The following CSMD3 variants were observed in gnomAD, a reference collection of about 807,000 sequenced individuals.
CSMD3 encodes CUB and sushi domain-containing protein 3.
CSMD3 carries 177 observed loss-of-function variants against 435.2 expected under a neutral mutation model. The observed-to-expected ratio is 0.41, with a 90% CI of 0.36 to 0.46. The LOEUF (loss-of-function observed/expected upper bound fraction) is 0.46, where lower values mean the gene tolerates loss of function less well. Ranked by LOEUF, CSMD3 falls within the 20% of genes least tolerant of loss-of-function variation. The pLI, the probability that CSMD3 is intolerant of heterozygous loss-of-function variation, is 0.34. For synonymous variants in CSMD3, 1,656 were observed against 1,520.5 expected (o/e 1.09, Z -2.07); for missense variants, 4,265 against 4,504.6 (o/e 0.95, Z 1.52).
At chr8:112,436,693 A>G (rs1420302489) in intron 32 of CSMD3, among the ~76,000 whole-genome samples, 1 of 151,758 alleles carries the variant, frequency 6.6e-6, no homozygotes, top group Non-Finnish European at 1.5e-5. Flanking sequence ...CTGTGTATAC[A>G]TATACAGATA....
At chr8:112,292,818 G>C in intron 54 of CSMD3, 108 bp from the exon 55 acceptor site, 1 of 948,386 alleles carries the variant, frequency 1.1e-6, no homozygotes. Flanking sequence ...AAAGTAGAAA[G>C]AAGACTACTT....
intron 5 of CSMD3, among the ~76,000 whole-genome samples, chr8:113,084,187 T>C (rs1285229792): frequency 2.0e-5 from 3 of 152,270 alleles, no homozygotes; most frequent in Admixed American, 1.3e-4. Context: ...GCAGATGTCA[T>C]GATCTTATAT....
intron 3 of CSMD3, among the ~76,000 whole-genome samples, chr8:113,274,612 T>C (rs961582284): frequency 6.6e-6 from 1 of 152,050 alleles, no homozygotes; most frequent in Non-Finnish European, 1.5e-5. Context: ...AGTGAATAAG[T>C]AGAACTTCTC....
At chr8:113,434,822 G>T (rs953483384) in intron 1 of CSMD3, among the ~76,000 whole-genome samples, 1 of 152,164 alleles carries the variant, frequency 6.6e-6, no homozygotes, top group African/African-American at 2.4e-5. Context: ...AATTGCAGGC[G>T]GCGCGGATCA....
intron 3 of CSMD3, among the ~76,000 whole-genome samples, chr8:113,264,135 T>C (rs1472639657): frequency 2.0e-5 from 3 of 151,454 alleles, no homozygotes; most frequent in Non-Finnish European, 4.4e-5. Flanking sequence ...GAAATTATTT[T>C]TTATCAGTTT....
At position 112,420,257 on chromosome 8, in the gene CSMD3, T is replaced by C. The variant is rs566785095; in HGVS notation, c.5396-11225A>G. On this transcript the variant is annotated intron_variant, in intron 32 of 70. Coordinates refer to ENST00000297405, the MANE Select transcript of CSMD3 (RefSeq NM_198123.2). ...TCAACATTATGCCAATCTTGTTTCATGTGTCTCTTCCTATCCGACCTGTAT... is the reference window on the plus strand; with the variant it reads ...TCAACATTATGCCAATCTTGTTTCACGTGTCTCTTCCTATCCGACCTGTAT... Among the ~76,000 whole-genome samples, 3 of 152,324 alleles carry C rather than the reference T, an allele frequency of 2.0e-5. No individual in the cohort carries two copies. The South Asian group carries it at 6.2e-4, about 32-fold the overall frequency.
intron 35 of CSMD3, among the ~76,000 whole-genome samples, chr8:112,395,335 C>G (rs908122118): frequency 1.3e-5 from 2 of 151,954 alleles, no homozygotes; most frequent in Non-Finnish European, 2.9e-5. Context: ...TGAGATAATG[C>G]TTAATAGTGC....
chr8:112,820,348 G>A (rs2079494628), intron 12 of CSMD3, among the ~76,000 whole-genome samples: 1 of 152,072 alleles, frequency 6.6e-6, no homozygotes, highest in Admixed American at 6.6e-5. Context: ...GAGGTCAATT[G>A]TTAATCAATT....
Position 112,383,553 on chromosome 8 carries a change from G to A in CSMD3, c.6031+14C>T. ...TATATCTGTATTTTAATTAAGCTCA[G>A]CTCTCTTATTTACCTGAATAGCTTC... On this transcript the variant is annotated intron_variant, in intron 37 of 70. Transcript: ENST00000297405. The A allele has an allele frequency of 7.4e-7, 1 of 1,342,530 alleles. No individual in the cohort carries two copies. Among genetic ancestry groups the A allele is most frequent in the South Asian group, 1.2e-5 (1 of 85,524 alleles). 83.2% of individuals were successfully genotyped at this position (1,342,530 alleles called of 1,614,324 possible). A position where few individuals can be genotyped will look rare whatever the true frequency, so the allele number is the denominator to read the frequency against.
intron 41 of CSMD3, 29 bp downstream of exon 41, chr8:112,346,068 G>T (rs746834277): frequency 5.5e-6 from 6 of 1,093,666 alleles, no homozygotes; most frequent in Non-Finnish European, 1.4e-6. Context: ...AATATTGAAA[G>T]CTCTTTCACG....
intron 4 of CSMD3, among the ~76,000 whole-genome samples, chr8:113,162,705 T>C (rs897172165): frequency 6.6e-6 from 1 of 152,008 alleles, no homozygotes; most frequent in African/African-American, 2.4e-5. Context: ...ATTTATATAA[T>C]GGGGATCTGA....
chr8:112,951,766 G>A (rs1196812978), intron 8 of CSMD3, among the ~76,000 whole-genome samples: 1 of 151,706 alleles, frequency 6.6e-6, no homozygotes, highest in Non-Finnish European at 1.5e-5. Context: ...ATGAATAAAA[G>A]TATGGATTTG....
At chr8:112,526,011 T>C (rs1169564823) in intron 27 of CSMD3, among the ~76,000 whole-genome samples, 2 of 149,086 alleles carry the variant, frequency 1.3e-5, no homozygotes, top group Non-Finnish European at 3.0e-5. Flanking sequence ...GTGTTTGAAC[T>C]TTCATTCTTC....
At chr8:112,452,690 G>T (rs1174610149) in intron 32 of CSMD3, among the ~76,000 whole-genome samples, 2 of 152,082 alleles carry the variant, frequency 1.3e-5, no homozygotes, top group Non-Finnish European at 2.9e-5. Flanking sequence ...TGGATTATTT[G>T]ATTACATCAC....
chr8:112,631,632 A>T (rs2074517639), intron 22 of CSMD3, among the ~76,000 whole-genome samples: 2 of 152,132 alleles, frequency 1.3e-5, no homozygotes, highest in African/African-American at 4.8e-5. Context: ...GGTTGTGAGC[A>T]ATAAACTCTT....
At chr8:113,340,055 C>T (rs1340598678) in intron 1 of CSMD3, among the ~76,000 whole-genome samples, 1 of 151,898 alleles carries the variant, frequency 6.6e-6, no homozygotes, top group East Asian at 1.9e-4. Flanking sequence ...AAGTATATAA[C>T]ATATCTAAAC....
chr8:112,339,930 G>T (rs756904463), intron 42 of CSMD3, among the ~76,000 whole-genome samples: 6 of 152,150 alleles, frequency 3.9e-5, no homozygotes, highest in African/African-American at 1.2e-4. Context: ...TTAATAATAC[G>T]TCAGTAACAG....
chr8:113,090,485 G>T (rs2089966690), intron 5 of CSMD3, among the ~76,000 whole-genome samples: 1 of 151,978 alleles, frequency 6.6e-6, no homozygotes, highest in Non-Finnish European at 1.5e-5. Context: ...AAAATTGTAG[G>T]TTCTCTGTTA....
At chr8:113,256,824 C>T (rs984023821) in intron 3 of CSMD3, among the ~76,000 whole-genome samples, 12 of 152,078 alleles carry the variant, frequency 7.9e-5, no homozygotes, top group Admixed American at 3.3e-4. Context: ...CAAGATTTTG[C>T]ATTAAGTGGT....
Sources: gnomAD v4.1 joint callset for allele counts (sites outside exome capture counted in the v4.1 genomes callset) on GRCh38, gnomAD v4.1.1 for gene constraint, MANE v1.5 for transcripts, NCBI Gene and HGNC (gene_info 2026-07-23, HGNC 2026-07-21) for gene names.